XKR4: variants seen among roughly 807,000 people sequenced by gnomAD.
XKR4 encodes the protein XK related 4, also known as XK-related protein 4.
Under a neutral mutation model 53.9 loss-of-function variants are expected in XKR4, and 12 were observed. The ratio of observed to expected loss-of-function variants is 0.22; its 90% CI spans 0.14 to 0.36. XKR4 has a LOEUF of 0.36. Among genes scored for constraint, XKR4 ranks in the 10% least tolerant of loss-of-function variants. The pLI, the probability that XKR4 is intolerant of heterozygous loss-of-function variation, is 1.00. For synonymous variants in XKR4, 354 were observed against 362.4 expected (o/e 0.98, Z 0.26); for missense variants, 799 against 859.5 (o/e 0.93, Z 0.88).
At chr8:55,302,348 G>T (rs1819213568) in intron 1 of XKR4, among the ~76,000 whole-genome samples, 1 of 151,282 alleles carries the variant, frequency 6.6e-6, no homozygotes, top group Non-Finnish European at 1.5e-5. Context: ...CTGTTCCATT[G>T]ATCTATATCT....
At chr8:55,490,822 G>C (rs534126792) in intron 2 of XKR4, among the ~76,000 whole-genome samples, 16 of 151,860 alleles carry the variant, frequency 1.1e-4, no homozygotes, top group African/African-American at 3.6e-4. Context: ...GTGCGCACGC[G>C]CATGCTTGTG....
chr8:55,299,182 A>G (rs13252668), intron 1 of XKR4, among the ~76,000 whole-genome samples: 1 of 152,192 alleles, frequency 6.6e-6, no homozygotes, highest in Non-Finnish European at 1.5e-5. Context: ...GTCGTTTTAT[A>G]GAGTGACTCT....
intron 1 of XKR4, among the ~76,000 whole-genome samples, chr8:55,211,709 C>G (rs1005388925): frequency 1.3e-5 from 2 of 152,170 alleles, no homozygotes; most frequent in Non-Finnish European, 2.9e-5. Context: ...TGCCCAAATA[C>G]TAACCTACTG....
intron 1 of XKR4, among the ~76,000 whole-genome samples, chr8:55,296,065 A>T (rs1350820458): frequency 6.6e-6 from 1 of 152,134 alleles, no homozygotes; most frequent in Non-Finnish European, 1.5e-5. Context: ...TAAAGCTGGT[A>T]TGGGGCTGGG....
intron 2 of XKR4, among the ~76,000 whole-genome samples, chr8:55,467,692 C>T (rs1226776986): frequency 6.6e-6 from 1 of 152,126 alleles, no homozygotes; most frequent in Non-Finnish European, 1.5e-5. Flanking sequence ...ATGTTGTTGG[C>T]TTGGAACCAC....
intron 1 of XKR4, among the ~76,000 whole-genome samples, chr8:55,183,082 A>T (rs7840535): frequency 0.05 from 7,644 of 152,066 alleles, 649 homozygotes; most frequent in African/African-American, 0.17. Context: ...TTTAATGTCT[A>T]TGGGGTTAAT....
At chr8:55,476,429 G>A (rs1224099798) in intron 2 of XKR4, among the ~76,000 whole-genome samples, 1 of 152,140 alleles carries the variant, frequency 6.6e-6, no homozygotes, top group Admixed American at 6.5e-5. Flanking sequence ...AAACACATCT[G>A]AGCCAAGATG....
At chr8:55,412,921 A>G (rs1394210351) in intron 2 of XKR4, among the ~76,000 whole-genome samples, 3 of 152,230 alleles carry the variant, frequency 2.0e-5, no homozygotes, top group Non-Finnish European at 4.4e-5. Flanking sequence ...GGAGCTGTCC[A>G]ATATGGCTTT....
rs1201000792 is a variant in XKR4 at position 55,296,888 on chromosome 8, T to TG, written c.807-60790_807-60789insG. 7.9e-5 allele frequency among the ~76,000 whole-genome samples: 12 copies of TG among 152,304 alleles called. No homozygotes were observed. The South Asian group carries it at 1.4e-3, about 18-fold the overall frequency. On this transcript the variant is annotated intron_variant, in intron 1 of 2. Coordinates refer to ENST00000327381, the MANE Select transcript of XKR4 (RefSeq NM_052898.2). ...CAAAAGAAATAACAAAATTGTATAT[T>TG]ATACAAGAAAGAATAAGGGCCATCA... is the stretch of plus-strand genomic sequence containing the variant.
chr8:55,118,372 C>T (rs762689202), intron 1 of XKR4, among the ~76,000 whole-genome samples: 3 of 152,120 alleles, frequency 2.0e-5, no homozygotes, highest in Non-Finnish European at 4.4e-5. Context: ...CATTCTACCC[C>T]ACATATGTTC....
chr8:55,442,034 A>C (rs1805277114), intron 2 of XKR4, among the ~76,000 whole-genome samples: 1 of 152,228 alleles, frequency 6.6e-6, no homozygotes, highest in East Asian at 1.9e-4. Context: ...GGAAAGACAC[A>C]ATACAAAAGA....
chr8:55,104,372 G>A (rs2129350280), intron 1 of XKR4, among the ~76,000 whole-genome samples: 1 of 152,242 alleles, frequency 6.6e-6, no homozygotes, highest in South Asian at 2.1e-4. Context: ...AGCGAAATGA[G>A]GACAATTCCT....
At chr8:55,203,637 C>G (rs1817605133) in intron 1 of XKR4, among the ~76,000 whole-genome samples, 1 of 152,134 alleles carries the variant, frequency 6.6e-6, no homozygotes. Flanking sequence ...TTAGAACCAC[C>G]TGGGGAACCT....
At chr8:55,232,155 C>A (rs144882266) in intron 1 of XKR4, among the ~76,000 whole-genome samples, 1 of 152,220 alleles carries the variant, frequency 6.6e-6, no homozygotes, top group Non-Finnish European at 1.5e-5. Flanking sequence ...ACATCCAAGT[C>A]CCCTGGCTCT....
intron 1 of XKR4, among the ~76,000 whole-genome samples, chr8:55,296,990 G>C (rs7835620): frequency 0.36 from 54,637 of 151,982 alleles, 12,032 homozygotes; most frequent in Non-Finnish European, 0.49. Context: ...AACGATTGAG[G>C]GTCTCTATTT....
At chr8:55,239,520 AC>A (rs1818178577) in intron 1 of XKR4, among the ~76,000 whole-genome samples, 1 of 152,006 alleles carries the variant, frequency 6.6e-6, no homozygotes, top group African/African-American at 2.4e-5. Context: ...TTACTGCACT[AC>A]CTTTTGTCTC....
At chr8:55,199,796 A>G (rs753624035) in intron 1 of XKR4, among the ~76,000 whole-genome samples, 5 of 152,238 alleles carry the variant, frequency 3.3e-5, no homozygotes, top group Non-Finnish European at 7.3e-5. Context: ...ACATTTATCC[A>G]AGGCTTATTA....
intron 1 of XKR4, among the ~76,000 whole-genome samples, chr8:55,175,784 T>C (rs1212937268): frequency 6.6e-6 from 1 of 152,214 alleles, no homozygotes; most frequent in Admixed American, 6.5e-5. Context: ...GAAGACCATA[T>C]CAGTGTGTAA....
rs115192327 is a variant in XKR4 at position 55,510,961 on chromosome 8, G to A, written c.1007-12320G>A. On this transcript the variant is annotated intron_variant, in intron 2 of 2. Coordinates refer to ENST00000327381, the MANE Select transcript of XKR4 (RefSeq NM_052898.2). ...TTTCTCCCAGCCAGTCCAACCATTA[G>A]AGCAGAGAATGCTACCCATCCATGT... Among the ~76,000 whole-genome samples, 619 of 152,304 alleles carry A rather than the reference G, an allele frequency of 4.1e-3. 2 individuals carry two copies. The highest frequency in any genetic ancestry group is 0.014 in the African/African-American group (599 of 41,554).
Sources: gnomAD v4.1 joint callset for allele counts (sites outside exome capture counted in the v4.1 genomes callset) on GRCh38, gnomAD v4.1.1 for gene constraint, MANE v1.5 for transcripts, NCBI Gene and HGNC (gene_info 2026-07-23, HGNC 2026-07-21) for gene names.